Variants in RPL24 observed in about 807,000 individuals in gnomAD.
RPL24 encodes ribosomal protein L24.
In RPL24, 7 loss-of-function variants were observed where a neutral mutation model predicts 26.4. The ratio of observed to expected loss-of-function variants is 0.27; its 90% CI spans 0.15 to 0.50. The LOEUF (loss-of-function observed/expected upper bound fraction) is 0.50, where lower values mean the gene tolerates loss of function less well. RPL24 is among the 20% of genes least tolerant of loss of function. The pLI is 0.98. For missense variants in RPL24, 109 were observed against 194.9 expected (o/e 0.56, Z 2.62); for synonymous variants, 67 against 65.2 (o/e 1.03, Z -0.13).
chr3:101,686,591 T>C (rs758563616), intron 1 of RPL24, 34 bp from the exon 2 acceptor site: 2 of 1,613,860 alleles, frequency 1.2e-6, no homozygotes, highest in Admixed American at 3.3e-5. Context: ...TCAGGGAGGG[T>C]GTCTACAGCC....
chr3:101,685,678 T>G (rs567123214), intron 3 of RPL24, 140 bp downstream of exon 3: 152 of 507,860 alleles, frequency 3.0e-4, no homozygotes, highest in African/African-American at 2.5e-3. Flanking sequence ...TATAATATCT[T>G]TTTCATTTTG....
At chr3:101,686,584 G>C in intron 1 of RPL24, 27 bp from the exon 2 acceptor site, 1 of 1,614,138 alleles carries the variant, frequency 6.2e-7, no homozygotes, top group Non-Finnish European at 8.5e-7. Context: ...AAGTCCATCA[G>C]GGAGGGTGTC....
At chr3:101,681,352 A>G in intron 5 of RPL24, 137 bp from the exon 6 acceptor site, 1 of 651,244 alleles carries the variant, frequency 1.5e-6, no homozygotes, top group African/African-American at 1.8e-5. Flanking sequence ...CAATCTTTTA[A>G]TGTGACTACC....
intron 2 of RPL24, 110 bp downstream of exon 2, chr3:101,686,372 A>G: frequency 1.2e-6 from 1 of 839,222 alleles, no homozygotes; most frequent in African/African-American, 1.7e-5. Context: ...GTCCACGAAG[A>G]CTTCCAGAGG....
intron 3 of RPL24, among the ~76,000 whole-genome samples, chr3:101,683,634 C>T (rs547556297): frequency 2.6e-5 from 4 of 151,472 alleles, no homozygotes; most frequent in Non-Finnish European, 4.4e-5. Flanking sequence ...TTGTCTCAAA[C>T]GAACACTTAA....
intron 2 of RPL24, 131 bp downstream of exon 2, chr3:101,686,351 G>T: frequency 1.4e-6 from 1 of 713,246 alleles, no homozygotes. Flanking sequence ...CTAACGACCA[G>T]TCCACAGAGC....
At chr3:101,685,603 T>G (rs954378419) in intron 3 of RPL24, among the ~76,000 whole-genome samples, 1 of 152,236 alleles carries the variant, frequency 6.6e-6, no homozygotes, top group Admixed American at 6.5e-5. Flanking sequence ...GTGCTTAACG[T>G]AATTTATCTG....
chr3:101,684,978 G>C (rs1937317074), intron 3 of RPL24, among the ~76,000 whole-genome samples: 1 of 151,438 alleles, frequency 6.6e-6, no homozygotes. Context: ...GCCCGGATTT[G>C]CTATGACACT....
At chr3:101,682,308 G>T in intron 5 of RPL24, 121 bp downstream of exon 5, 1 of 790,712 alleles carries the variant, frequency 1.3e-6, no homozygotes, top group African/African-American at 1.7e-5. Flanking sequence ...AGAGGTTGCA[G>T]TGAGCTGAGA....
Position 101,685,805 on chromosome 3 carries a change from G to C in RPL24, c.192+13C>G, listed in dbSNP as rs766185590. On this transcript the variant is annotated intron_variant, in intron 3 of 5. Coordinates refer to ENST00000394077, the MANE Select transcript of RPL24 (RefSeq NM_000986.4). The stretch of plus-strand genomic sequence containing the variant: ...AAGAGATAGCCCCCAACATCAAGGC[G>C]TATTCCACTTACCGACTGTCCCTTT... 2.1e-6 allele frequency: 3 copies of C among 1,461,386 alleles called. No individual in the cohort carries two copies. Among genetic ancestry groups the C allele is most frequent in the Admixed American group, 3.4e-5 (2 of 58,518 alleles). 90.5% of individuals were successfully genotyped at this position (1,461,386 alleles called of 1,614,324 possible).
intron 2 of RPL24, chr3:101,686,194 G>A (rs1937339551): frequency 1.7e-6 from 1 of 577,444 alleles, no homozygotes; most frequent in South Asian, 2.2e-5. Context: ...GAAGCATTCT[G>A]CTCTTGTCCG....
At chr3:101,684,992 A>G (rs1937317625) in intron 3 of RPL24, among the ~76,000 whole-genome samples, 1 of 151,836 alleles carries the variant, frequency 6.6e-6, no homozygotes, top group East Asian at 1.9e-4. Context: ...TGACACTGAT[A>G]TACAAGTTAT....
rs779186573 is a variant in RPL24 at position 101,686,572 on chromosome 3, G to A, written c.6-15C>T. 5 of 1,614,096 alleles carry A rather than the reference G, an allele frequency of 3.1e-6. No homozygotes were observed. Among genetic ancestry groups the A allele is most frequent in the East Asian group, 4.5e-5 (2 of 44,900 alleles). On this transcript the variant is annotated splice_polypyrimidine_tract_variant and intron_variant, in intron 1 of 5. Transcript: ENST00000394077. Reference sequence around the variant, plus strand: ...ACAGCTCGACCCTGCAACAAAAAGTGAAAGTCCATCAGGGAGGGTGTCTAC... The same window carrying A: ...ACAGCTCGACCCTGCAACAAAAAGTAAAAGTCCATCAGGGAGGGTGTCTAC...
chr3:101,686,349 C>T lies in RPL24; in HGVS notation c.81+133G>A, dbSNP rs1328975416. 10 of 692,408 alleles carry T rather than the reference C, an allele frequency of 1.4e-5. No individual in the cohort carries two copies. The Admixed American group carries it at 2.6e-4, about 18-fold the overall frequency. The allele number at this position is 692,408 out of a possible 1,614,324, so 42.9% of individuals were successfully genotyped here. A position where few individuals can be genotyped will look rare whatever the true frequency, so the allele number is the denominator to read the frequency against. ...CTTAGAGGTTTCTGGTCCTAACGAC[C>T]AGTCCACAGAGCGTCCACGAAGACT... On this transcript the variant is annotated intron_variant, in intron 2 of 5. Coordinates refer to ENST00000394077, the MANE Select transcript of RPL24 (RefSeq NM_000986.4).
intron 5 of RPL24, 120 bp from the exon 6 acceptor site, chr3:101,681,335 C>G (rs974114057): frequency 2.9e-6 from 2 of 697,900 alleles, no homozygotes; most frequent in East Asian, 5.1e-5. Flanking sequence ...AACTGCATTC[C>G]TAATGCCAAT....
intron 5 of RPL24, chr3:101,682,215 A>G (rs1057159184): frequency 1.9e-6 from 1 of 516,982 alleles, no homozygotes; most frequent in Non-Finnish European, 3.5e-6. Context: ...ACAAACAAAA[A>G]ATCAGCCGGG....
intron 3 of RPL24, among the ~76,000 whole-genome samples, chr3:101,684,439 A>G (rs1370039420): frequency 6.6e-6 from 1 of 152,066 alleles, no homozygotes; most frequent in Non-Finnish European, 1.5e-5. Flanking sequence ...AAGTGCTGGG[A>G]TTACAGGCAT....
At chr3:101,686,612 C>T (rs1240348581) in intron 1 of RPL24, 55 bp from the exon 2 acceptor site, 4 of 1,613,932 alleles carry the variant, frequency 2.5e-6, no homozygotes, top group Non-Finnish European at 2.5e-6. Context: ...ATGCCAGGGA[C>T]GACAGAGAGG....
chr3:101,686,490 C>G lies in RPL24; in HGVS notation c.73G>C (p.Asp25His). Reference sequence around the variant, plus strand: ...CCGACGCGGCTTTTTACCTTCCCGTCGGTCCTGGCGTAGCGCCTCCCGTGT... The same window carrying G: ...CCGACGCGGCTTTTTACCTTCCCGTGGGTCCTGGCGTAGCGCCTCCCGTGT... ...PGHGRRYARTDGKVFQFLNAK... is the reference protein window; with the variant it reads ...PGHGRRYARTHGKVFQFLNAK... The change falls in exon 2 of 6, where the codon GAC becomes CAC. Residue 25 changes from aspartate (D) to histidine (H), a missense_variant. Around this residue, in one of 3 missense-constraint regions of RPL24, gnomAD observed 69 missense variants for 96.2 expected, o/e 0.72. Transcript: ENST00000394077. 6.2e-7 allele frequency: 1 copy of G among 1,613,890 alleles called. No homozygotes were observed. The highest frequency in any genetic ancestry group is 8.5e-7 in the Non-Finnish European group (1 of 1,179,878).
Sources: allele counts gnomAD v4.1 joint callset (sites outside exome capture counted in the v4.1 genomes callset), GRCh38; gene constraint gnomAD v4.1.1; regional missense constraint gnomAD v4.1.1; transcripts MANE v1.5; gene names NCBI Gene and HGNC (gene_info 2026-07-23, HGNC 2026-07-21).